Variants in TBCCD1 observed in about 807,000 individuals in gnomAD.
The protein encoded by TBCCD1 is TBCC domain-containing protein 1.
TBCCD1 carries 26 observed loss-of-function variants against 53.4 expected under a neutral mutation model. The observed-to-expected ratio is 0.49, with a 90% CI of 0.36 to 0.68. The LOEUF is 0.68. TBCCD1 is among the 30% of genes least tolerant of loss of function. The pLI is 0.00. For synonymous variants in TBCCD1, 245 were observed against 241.7 expected (o/e 1.01, Z -0.13); for missense variants, 558 against 669.5 (o/e 0.83, Z 1.84).
At chr3:186,548,251 G>T (rs1460560848) in intron 7 of TBCCD1, among the ~76,000 whole-genome samples, 1 of 152,156 alleles carries the variant, frequency 6.6e-6, no homozygotes, top group Non-Finnish European at 1.5e-5. Flanking sequence ...TACACTAACT[G>T]AAAGAACCCA....
At chr3:186,547,432 T>A (rs1228749855) in intron 7 of TBCCD1, among the ~76,000 whole-genome samples, 1 of 151,792 alleles carries the variant, frequency 6.6e-6, no homozygotes, top group Non-Finnish European at 1.5e-5. Context: ...ATTTTTAATT[T>A]TTTTGTAGAG....
chr3:186,554,905 G>A lies in TBCCD1; in HGVS notation c.1039C>T (p.Pro347Ser). 1 of 1,613,772 alleles carries A rather than the reference G, an allele frequency of 6.2e-7. No homozygotes were observed. Among genetic ancestry groups the A allele is most frequent in the Non-Finnish European group, 8.5e-7 (1 of 1,180,006 alleles). Reference protein sequence around the residue: ...CNESFIYLLSPLRSVTIEKCR... With the variant: ...CNESFIYLLSSLRSVTIEKCR... ...CATGAAAACTGTGCTTACCGTAAGG[G>A]AGAGAGCAGATATATAAAAGATTCG... The change falls in exon 5 of 8, where the codon CCC (proline) becomes TCC (serine). Residue 347 changes from proline (P) to serine (S), a missense_variant. Physicochemically the swap from Pro to Ser is moderately conservative, Grantham distance 74. Transcript: ENST00000338733.
intron 3 of TBCCD1, 73 bp from the exon 4 acceptor site, chr3:186,556,848 A>C: frequency 6.7e-7 from 1 of 1,490,926 alleles, no homozygotes; most frequent in Non-Finnish European, 9.0e-7. Context: ...TATTTTAATT[A>C]TTTTGTATTT....
intron 1 of TBCCD1, among the ~76,000 whole-genome samples, 172 bp downstream of exon 1, chr3:186,567,095 T>C (rs2108467154): frequency 6.6e-6 from 1 of 152,332 alleles, no homozygotes. Context: ...GGGGTGGGAC[T>C]CTGCGTGGGC....
chr3:186,562,352 C>T (rs1251140497), intron 2 of TBCCD1, among the ~76,000 whole-genome samples: 2 of 152,136 alleles, frequency 1.3e-5, no homozygotes, highest in Non-Finnish European at 2.9e-5. Flanking sequence ...CTCTTAAAAA[C>T]AGAAAGAGAG....
intron 3 of TBCCD1, among the ~76,000 whole-genome samples, chr3:186,557,384 C>T (rs1452380556): frequency 6.6e-6 from 1 of 152,060 alleles, no homozygotes; most frequent in Non-Finnish European, 1.5e-5. Flanking sequence ...GCTACCTTGG[C>T]TCAAAACACC....
intron 2 of TBCCD1, among the ~76,000 whole-genome samples, chr3:186,561,788 C>CA (rs140239945): frequency 0.079 from 10,833 of 136,422 alleles, 453 homozygotes; most frequent in African/African-American, 0.12. Flanking sequence ...GACTCCGTCT[C>CA]AAAAAAAAAA....
chr3:186,565,259 C>G (rs1443225241), intron 1 of TBCCD1, among the ~76,000 whole-genome samples: 2 of 151,890 alleles, frequency 1.3e-5, no homozygotes, highest in African/African-American at 4.8e-5. Flanking sequence ...TACAGGCGTC[C>G]ACCACCACAC....
At chr3:186,568,464 CTT>C (rs1286415488), upstream of TBCCD1, among the ~76,000 whole-genome samples, 1 of 152,172 alleles carries the variant, frequency 6.6e-6, no homozygotes, top group Non-Finnish European at 1.5e-5. Flanking sequence ...ATCCCAGTAA[CTT>C]TGACTCAAAA....
intron 2 of TBCCD1, among the ~76,000 whole-genome samples, chr3:186,560,663 G>A (rs568756109): frequency 1.3e-5 from 2 of 152,290 alleles, no homozygotes; most frequent in East Asian, 3.9e-4. Context: ...GGCTTATACA[G>A]CCCTACCCAT....
At chr3:186,551,374 T>A in intron 6 of TBCCD1, 95 bp from the exon 7 acceptor site, 2 of 1,184,804 alleles carry the variant, frequency 1.7e-6, no homozygotes, top group Non-Finnish European at 2.4e-6. Flanking sequence ...AGGATAATGT[T>A]AAATGATTAA....
chr3:186,564,762 T>C (rs1714780331), intron 1 of TBCCD1, among the ~76,000 whole-genome samples: 1 of 152,180 alleles, frequency 6.6e-6, no homozygotes, highest in Non-Finnish European at 1.5e-5. Context: ...CAGAGTTAAA[T>C]CACTTACACA....
At chr3:186,558,055 T>A (rs1424222499) in intron 3 of TBCCD1, among the ~76,000 whole-genome samples, 1 of 152,240 alleles carries the variant, frequency 6.6e-6, no homozygotes, top group Non-Finnish European at 1.5e-5. Flanking sequence ...TTTTATAATT[T>A]TTTTCAGTAG....
chr3:186,556,800 C>A, intron 3 of TBCCD1, 25 bp from the exon 4 acceptor site: 4 of 1,597,144 alleles, frequency 2.5e-6, no homozygotes, highest in Non-Finnish European at 3.4e-6. Context: ...AAAGAAAGCA[C>A]TCTTAATAAA....
At chr3:186,566,221 G>T (rs1364055515) in intron 1 of TBCCD1, among the ~76,000 whole-genome samples, 3 of 151,992 alleles carry the variant, frequency 2.0e-5, no homozygotes, top group Non-Finnish European at 4.4e-5. Context: ...TATTTTTTTA[G>T]TACAGACAGG....
upstream of TBCCD1, chr3:186,570,236 T>C: frequency 3.2e-6 from 2 of 626,284 alleles, no homozygotes; most frequent in Non-Finnish European, 5.9e-6. Context: ...GCGTCTGATG[T>C]ACACCTGTCG....
At chr3:186,555,147 A>C in intron 4 of TBCCD1, 63 bp from the exon 5 acceptor site, 3 of 1,473,838 alleles carry the variant, frequency 2.0e-6, no homozygotes, top group Non-Finnish European at 2.7e-6. Flanking sequence ...AAACAAACAT[A>C]TGAGGTTACA....
intron 6 of TBCCD1, 31 bp downstream of exon 6, chr3:186,554,223 A>C: frequency 1.9e-6 from 3 of 1,603,084 alleles, no homozygotes; most frequent in Non-Finnish European, 1.7e-6. Context: ...TTCACAAAAA[A>C]CACAAACTGT....
intron 1 of TBCCD1, among the ~76,000 whole-genome samples, chr3:186,566,061 G>T (rs1266620310): frequency 6.8e-6 from 1 of 147,084 alleles, no homozygotes; most frequent in Non-Finnish European, 1.5e-5. Flanking sequence ...TTTTTGAGAC[G>T]GAGTCTCGCT....
Sources: allele counts gnomAD v4.1 joint callset (sites outside exome capture counted in the v4.1 genomes callset), GRCh38; gene constraint gnomAD v4.1.1; transcripts MANE v1.5; gene names NCBI Gene and HGNC (gene_info 2026-07-23, HGNC 2026-07-21).